The following UNC80 variants were observed in gnomAD, a reference collection of about 807,000 sequenced individuals.
UNC80 encodes the protein unc-80 subunit of NALCN channel complex, also known as protein unc-80 homolog.
Under a neutral mutation model 384.6 loss-of-function variants are expected in UNC80, and 164 were observed. The observed-to-expected ratio is 0.43, with a 90% CI of 0.38 to 0.49. The LOEUF is 0.49. UNC80 is among the 20% of genes least tolerant of loss of function. UNC80 has a pLI of 0.00. For missense variants in UNC80, 3,330 were observed against 4,143.0 expected (o/e 0.80, Z 5.39); for synonymous variants, 1,486 against 1,527.8 (o/e 0.97, Z 0.64).
At position 209,973,070 on chromosome 2, in the gene UNC80, C is replaced by T. The variant is rs2125013860; in HGVS notation, c.8387C>T (p.Pro2796Leu). Residue 2796 changes from proline (P) to leucine (L), a missense_variant, in exon 56 of 65, where the codon CCA becomes CTA. Pro to Leu is a moderately conservative substitution (Grantham distance 98). Around this residue, in one of 8 missense-constraint regions of UNC80, gnomAD observed 1,049 missense variants for 1,488.6 expected, o/e 0.70. Transcript: ENST00000673920. ...TCCAAATTCTGCCCCTCAGATAGCCCATGGCTGGAGCAGCCTGAGGTGCAG... is the reference window on the plus strand; with the variant it reads ...TCCAAATTCTGCCCCTCAGATAGCCTATGGCTGGAGCAGCCTGAGGTGCAG... ...LTVGSGSKDS[P>L]WLEQPEVQLL... 4 of 1,551,448 alleles carry T rather than the reference C, an allele frequency of 2.6e-6. No homozygotes were observed. Among genetic ancestry groups the T allele is most frequent in the Non-Finnish European group, 3.5e-6 (4 of 1,146,978 alleles).
intron 22 of UNC80, 44 bp downstream of exon 22, chr2:209,849,667 G>T: frequency 1.3e-6 from 2 of 1,536,240 alleles, no homozygotes; most frequent in Admixed American, 4.0e-5. Context: ...CCCATCCCAA[G>T]TAGCACTATT....
intron 30 of UNC80, among the ~76,000 whole-genome samples, chr2:209,912,894 C>A (rs1002987407): frequency 1.7e-4 from 26 of 152,150 alleles, no homozygotes; most frequent in Middle Eastern, 3.4e-3. Flanking sequence ...TCGGTTCGAA[C>A]CACAGCTCTC....
chr2:209,875,767 C>T (rs1054573636), intron 23 of UNC80, among the ~76,000 whole-genome samples: 3 of 152,182 alleles, frequency 2.0e-5, no homozygotes, highest in Admixed American at 6.5e-5. Flanking sequence ...TCTGCTCTCC[C>T]CATTCTCCAT....
chr2:209,868,009 T>C (rs987452292), intron 22 of UNC80, among the ~76,000 whole-genome samples: 7 of 152,190 alleles, frequency 4.6e-5, no homozygotes, highest in African/African-American at 1.7e-4. Context: ...TGACTAGCCT[T>C]CCAGACCATG....
intron 22 of UNC80, among the ~76,000 whole-genome samples, chr2:209,863,963 C>T (rs761037435): frequency 2.0e-5 from 3 of 151,850 alleles, no homozygotes; most frequent in Non-Finnish European, 2.9e-5. Flanking sequence ...TTCTCATCTT[C>T]GTGAGTTTGT....
chr2:209,905,214 C>T lies in UNC80; in HGVS notation c.4782+249C>T, dbSNP rs138685321. ...AAATATGACTGCATAGGGATGATGA[C>T]GATGACGAATAAGTTATTGTGTTAG... is the stretch of plus-strand genomic sequence containing the variant. On this transcript the variant is annotated intron_variant, in intron 29 of 64. Transcript: ENST00000673920. 1.3e-3 allele frequency among the ~76,000 whole-genome samples: 191 copies of T among 152,158 alleles called. 1 individual carries two copies. The highest frequency in any genetic ancestry group is 1.9e-3 in the Non-Finnish European group (130 of 68,006).
chr2:209,855,344 C>CA (rs2082828469), intron 22 of UNC80, among the ~76,000 whole-genome samples: 1 of 152,068 alleles, frequency 6.6e-6, no homozygotes, highest in Non-Finnish European at 1.5e-5. Flanking sequence ...GGACAAATAG[C>CA]TAATGCATGC....
chr2:209,918,860 T>G (rs371536059), intron 33 of UNC80, among the ~76,000 whole-genome samples, 197 bp downstream of exon 33: 93 of 152,302 alleles, frequency 6.1e-4, no homozygotes, highest in African/African-American at 2.2e-3. Context: ...AAAAAAAGTC[T>G]TGTTTTATAA....
At chr2:209,836,048 G>C (rs1306813957) in intron 18 of UNC80, among the ~76,000 whole-genome samples, 1 of 152,190 alleles carries the variant, frequency 6.6e-6, no homozygotes, top group Non-Finnish European at 1.5e-5. Context: ...CCCCAGTATG[G>C]AGACTAGGCT....
intron 7 of UNC80, chr2:209,808,837 G>T: frequency 2.7e-5 from 3 of 109,782 alleles, no homozygotes; most frequent in South Asian, 1.5e-4. Flanking sequence ...GAAGCTCCCT[G>T]ACCCTGATCG....
chr2:209,871,933 C>G (rs899815769), intron 22 of UNC80, among the ~76,000 whole-genome samples: 1 of 150,640 alleles, frequency 6.6e-6, no homozygotes, highest in East Asian at 2.0e-4. Context: ...TAAAACCATG[C>G]CTATTTAAGT....
intron 22 of UNC80, among the ~76,000 whole-genome samples, chr2:209,862,649 C>CTTTTTTTTTTTTTTTTTTTT (rs71043955): frequency 8.9e-5 from 7 of 78,824 alleles, no homozygotes; most frequent in African/African-American, 2.4e-4. Context: ...GCAACCTCTG[C>CTTTTTTTTTTTTTTTTTTTT]TTTTTTTTTT....
At chr2:209,800,512 T>C (rs1263199062) in intron 7 of UNC80, among the ~76,000 whole-genome samples, 2 of 150,072 alleles carry the variant, frequency 1.3e-5, no homozygotes, top group Non-Finnish European at 3.0e-5. Flanking sequence ...AAACAGCTCC[T>C]GGATTTGTTG....
chr2:209,840,094 A>C (rs900128491), intron 19 of UNC80, among the ~76,000 whole-genome samples: 7 of 152,288 alleles, frequency 4.6e-5, no homozygotes, highest in South Asian at 2.1e-4. Flanking sequence ...CAAGCAAGTA[A>C]ACTTTTTGCA....
intron 17 of UNC80, 44 bp downstream of exon 17, chr2:209,834,212 C>A: frequency 1.3e-6 from 2 of 1,538,536 alleles, no homozygotes; most frequent in South Asian, 1.2e-5. Context: ...TGCCTTAAGT[C>A]AGTAGAATAA....
intron 48 of UNC80, among the ~76,000 whole-genome samples, chr2:209,955,529 A>G (rs2092364509): frequency 1.3e-5 from 2 of 151,510 alleles, no homozygotes; most frequent in African/African-American, 4.8e-5. Context: ...ATAGTTTTCT[A>G]TGCTATTGCT....
intron 47 of UNC80, among the ~76,000 whole-genome samples, chr2:209,949,290 A>G (rs1559379243): frequency 6.6e-6 from 1 of 152,190 alleles, no homozygotes; most frequent in Non-Finnish European, 1.5e-5. Flanking sequence ...ACAAGTGCTT[A>G]AACAAAAAGG....
At chr2:209,948,038 AG>A (rs202056897) in intron 47 of UNC80, among the ~76,000 whole-genome samples, 8,456 of 152,204 alleles carry the variant, frequency 0.056, 814 homozygotes, top group African/African-American at 0.19. Context: ...CACTTATAAT[AG>A]TCATAATAAT....
intron 60 of UNC80, among the ~76,000 whole-genome samples, chr2:209,983,327 T>G (rs1257500232): frequency 7.7e-6 from 1 of 130,684 alleles, no homozygotes; most frequent in Non-Finnish European, 1.7e-5. Flanking sequence ...TAGGGTAAAA[T>G]GATAAATCAT....
Sources: allele counts gnomAD v4.1 joint callset (sites outside exome capture counted in the v4.1 genomes callset), GRCh38; gene constraint gnomAD v4.1.1; regional missense constraint gnomAD v4.1.1; transcripts MANE v1.5; gene names NCBI Gene and HGNC (gene_info 2026-07-23, HGNC 2026-07-21).